MACF1: variants seen among roughly 807,000 people sequenced by gnomAD.
The protein encoded by MACF1 is microtubule actin crosslinking factor 1, also known as microtubule-actin cross-linking factor 1.
In MACF1, 193 loss-of-function variants were observed where a neutral mutation model predicts 854.8. That is an observed-to-expected ratio of 0.23 (90% CI 0.20 to 0.25). The LOEUF (loss-of-function observed/expected upper bound fraction) is 0.25. MACF1 is among the 10% of genes least tolerant of loss of function. The pLI is 1.00. For missense variants in MACF1, 7,722 were observed against 8,929.1 expected, an observed-to-expected ratio of 0.86 and a Z score of 5.45; for synonymous variants, 3,185 against 3,226.7, an observed-to-expected ratio of 0.99 and a Z score of 0.44.
At chr1:39,453,580 T>A in intron 87 of MACF1, 127 bp from the exon 88 acceptor site, 4 of 767,328 alleles carry the variant, frequency 5.2e-6, no homozygotes, top group Non-Finnish European at 8.6e-6. Context: ...CTATACAGGC[T>A]TTTAGAGGTC....
intron 80 of MACF1, among the ~76,000 whole-genome samples, chr1:39,446,190 A>G (rs997308934): frequency 2.0e-5 from 3 of 152,216 alleles, no homozygotes; most frequent in Non-Finnish European, 2.9e-5. Flanking sequence ...CATTACCTTC[A>G]GGATCAGTAA....
intron 5 of MACF1, among the ~76,000 whole-genome samples, chr1:39,255,676 AC>A (rs1330213628): frequency 2.0e-5 from 3 of 152,216 alleles, no homozygotes; most frequent in Non-Finnish European, 4.4e-5. Flanking sequence ...TTAACATTTC[AC>A]CTTCATCTCT....
intron 2 of MACF1, among the ~76,000 whole-genome samples, chr1:39,085,401 T>A (rs968419277): frequency 6.6e-6 from 1 of 152,202 alleles, no homozygotes; most frequent in African/African-American, 2.4e-5. Context: ...TGCCTGCAGC[T>A]AATTCAGTGA....
At chr1:39,417,083 G>C (rs1643343143) in intron 58 of MACF1, among the ~76,000 whole-genome samples, 1 of 152,146 alleles carries the variant, frequency 6.6e-6, no homozygotes, top group Non-Finnish European at 1.5e-5. Context: ...TAAATACTTA[G>C]AACTCAACAA....
chr1:39,099,928 T>C (rs1001216744), intron 2 of MACF1, among the ~76,000 whole-genome samples: 2 of 152,124 alleles, frequency 1.3e-5, no homozygotes, highest in African/African-American at 4.8e-5. Context: ...AAAAATTTTT[T>C]TAAAAAGCTG....
chr1:39,151,517 AG>A (rs1202913274), intron 2 of MACF1, among the ~76,000 whole-genome samples: 1 of 152,248 alleles, frequency 6.6e-6, no homozygotes, highest in Non-Finnish European at 1.5e-5. Flanking sequence ...CTTCCGAAGT[AG>A]AAAGCACCCT....
intron 20 of MACF1, 58 bp from the exon 21 acceptor site, chr1:39,297,562 A>T (rs1299253402): frequency 1.9e-6 from 3 of 1,601,936 alleles, no homozygotes; most frequent in Admixed American, 3.3e-5. Context: ...TTTCTTAGTT[A>T]ATATTCCGGT....
At chr1:39,193,780 AAGAG>A (rs531688995) in intron 2 of MACF1, among the ~76,000 whole-genome samples, 3 of 151,674 alleles carry the variant, frequency 2.0e-5, no homozygotes, top group African/African-American at 7.3e-5. Flanking sequence ...CAGCCCTGGT[AAGAG>A]AGAGAGGGAG....
chr1:39,476,590 A>G (rs1644888176), intron 97 of MACF1, among the ~76,000 whole-genome samples: 1 of 152,182 alleles, frequency 6.6e-6, no homozygotes. Flanking sequence ...AAAGAAAGAA[A>G]GAAATTTATC....
chr1:39,485,413 T>G (rs922139400), intron 100 of MACF1, 125 bp from the exon 101 acceptor site: 101 of 1,119,148 alleles, frequency 9.0e-5, no homozygotes, highest in South Asian at 1.5e-4. Context: ...ATGAGGAAAC[T>G]GGGGTGCAGA....
intron 2 of MACF1, among the ~76,000 whole-genome samples, chr1:39,176,673 C>T (rs1162510662): frequency 6.6e-6 from 1 of 152,128 alleles, no homozygotes; most frequent in Non-Finnish European, 1.5e-5. Context: ...GTTTAATAGT[C>T]AGGTTTTTAG....
chr1:39,159,602 T>G (rs1643756446), intron 2 of MACF1, among the ~76,000 whole-genome samples: 1 of 152,232 alleles, frequency 6.6e-6, no homozygotes, highest in Admixed American at 6.5e-5. Flanking sequence ...TAGTGTTTTC[T>G]TTGCATCATG....
At chr1:39,390,932 C>T (rs534815868) in intron 58 of MACF1, among the ~76,000 whole-genome samples, 28 of 151,880 alleles carry the variant, frequency 1.8e-4, no homozygotes, top group Non-Finnish European at 3.5e-4. Flanking sequence ...ACGGTGAAAC[C>T]CTGTCTCTAC....
chr1:39,404,471 GAA>G (rs71575619), intron 58 of MACF1, among the ~76,000 whole-genome samples: 1 of 142,118 alleles, frequency 7.0e-6, no homozygotes, highest in African/African-American at 2.6e-5. Flanking sequence ...ACCCTGTCTG[GAA>G]AAAAAAAAAA....
rs1473084929 is a variant in MACF1, at chr1:39,426,331, ATAACTT to A, written c.16317-1122_16317-1117del. The stretch of plus-strand genomic sequence containing the variant: ...TTTATTTAAACCACTTCTTATTAAA[ATAACTT>A]TGTCAGGGCATAACTAGCATAGGAC... On this transcript the variant is annotated intron_variant, in intron 61 of 100. Transcript: ENST00000564288. Among the ~76,000 whole-genome samples the A allele has an allele frequency of 5.9e-5, 9 of 152,316 alleles. No homozygotes were observed. The East Asian group carries it at 9.6e-4, about 16-fold the overall frequency.
intron 47 of MACF1, among the ~76,000 whole-genome samples, chr1:39,360,070 C>CAT (rs1553304476): frequency 9.1e-6 from 1 of 110,258 alleles, no homozygotes; most frequent in African/African-American, 3.4e-5. Context: ...CACACACACA[C>CAT]ATATGTATAT....
chr1:39,436,365 T>G, intron 70 of MACF1: 1 of 1,050,820 alleles, frequency 9.5e-7, no homozygotes, highest in Non-Finnish European at 1.5e-6. Context: ...CCCCCCACCT[T>G]CCGTCCCATC....
chr1:39,424,311 T>A, intron 61 of MACF1, 117 bp downstream of exon 61: 1 of 779,706 alleles, frequency 1.3e-6, no homozygotes, highest in Non-Finnish European at 2.0e-6. Flanking sequence ...GTTTAATGGC[T>A]TTTATTTGAA....
chr1:39,422,579 T>C (rs1432271554), intron 59 of MACF1, 44 bp downstream of exon 59: 1 of 1,569,372 alleles, frequency 6.4e-7, no homozygotes, highest in South Asian at 1.2e-5. Flanking sequence ...ACGGAAGGCA[T>C]AGAAAAGAGA....
Sources: gnomAD v4.1 joint callset for allele counts (sites outside exome capture counted in the v4.1 genomes callset) on GRCh38, gnomAD v4.1.1 for gene constraint, MANE v1.5 for transcripts, NCBI Gene and HGNC (gene_info 2026-07-23, HGNC 2026-07-21) for gene names.